CHADL: variants seen among roughly 807,000 people sequenced by gnomAD.
The protein encoded by CHADL is chondroadherin like, also known as chondroadherin-like protein.
In CHADL, 48 loss-of-function variants were observed where a neutral mutation model predicts 52.1. That is an observed-to-expected ratio of 0.92 (90% CI 0.73 to 1.17). The LOEUF (loss-of-function observed/expected upper bound fraction) is 1.17. Ranked by LOEUF, CHADL falls within the 50% of genes most tolerant of loss-of-function variation. The pLI is 0.00. For missense variants in CHADL, 977 were observed against 1,035.1 expected, an observed-to-expected ratio of 0.94 and a Z score of 0.77; for synonymous variants, 498 against 511.2, an observed-to-expected ratio of 0.97 and a Z score of 0.35.
chr22:41,240,892 A>ACTG lies in CHADL; in HGVS notation c.-14_-12dup. 6.5e-7 allele frequency: 1 copy of ACTG among 1,549,736 alleles called. No individual in the cohort carries two copies. Among genetic ancestry groups the ACTG allele is most frequent in the Non-Finnish European group, 8.7e-7 (1 of 1,146,650 alleles). Reference sequence around the variant, plus strand: ...GACTCACCCCTCCATGCCGCCTGGAACTGCTGGTCCAGCCTGGAGGCGCAG... The same window carrying ACTG: ...GACTCACCCCTCCATGCCGCCTGGAACTGCTGCTGGTCCAGCCTGGAGGCGCAG... On this transcript the variant is annotated 5_prime_UTR_variant, in exon 1 of 6. Coordinates refer to ENST00000216241, the MANE Select transcript of CHADL (RefSeq NM_138481.2).
At chr22:41,230,633 CAG>C (rs1333376991) in intron 5 of CHADL, 1 of 227,368 alleles carries the variant, frequency 4.4e-6, no homozygotes, top group African/African-American at 2.3e-5. Context: ...GAATACAAGA[CAG>C]TGAACTCTGT....
intron 5 of CHADL, among the ~76,000 whole-genome samples, chr22:41,231,682 C>T (rs886913829): frequency 6.6e-6 from 1 of 152,230 alleles, no homozygotes; most frequent in Non-Finnish European, 1.5e-5. Flanking sequence ...CCTCAGTTTG[C>T]CCTTGGAGGG....
intron 5 of CHADL, among the ~76,000 whole-genome samples, chr22:41,231,534 T>G (rs1435554103): frequency 6.6e-6 from 1 of 152,274 alleles, no homozygotes; most frequent in Non-Finnish European, 1.5e-5. Context: ...TAGGCTGGCA[T>G]AAAGTTGGCT....
intron 5 of CHADL, among the ~76,000 whole-genome samples, chr22:41,234,294 CT>C (rs1317398292): frequency 1.3e-5 from 2 of 152,160 alleles, no homozygotes; most frequent in African/African-American, 2.4e-5. Flanking sequence ...CAAATGGTCA[CT>C]CCTTGCAAAC....
rs1341003489 is a variant in CHADL at position 41,239,453 on chromosome 22, G to T, written c.176C>A (p.Ala59Asp). 2 of 1,550,692 alleles carry T rather than the reference G, an allele frequency of 1.3e-6. 1 individual carries two copies. Among genetic ancestry groups the T allele is most frequent in the South Asian group, 2.4e-5 (2 of 83,984 alleles). The change falls in exon 2 of 6, where the codon GCC becomes GAC. Residue 59 changes from alanine to aspartate, a missense_variant. Transcript: ENST00000216241. ...TCCTGCCCTGCTGACCTCAGGGATGGCGTCTGGCACCTCAGTGAGGTTCTG... is the reference window on the plus strand; with the variant it reads ...TCCTGCCCTGCTGACCTCAGGGATGTCGTCTGGCACCTCAGTGAGGTTCTG... ...RYQNLTEVPD[A>D]IPELTQRLDL...
At position 41,229,608 on chromosome 22, in the gene CHADL, G is replaced by C; in HGVS notation, c.*96C>G. On this transcript the variant is annotated 3_prime_UTR_variant, in exon 6 of 6. Coordinates refer to ENST00000216241, the MANE Select transcript of CHADL (RefSeq NM_138481.2). ...GTCCAAGAAGCCCCTGCTGGAGGAC[G>C]ACCCTCAGGGTGCCAGGAAGATCTC... 7 of 1,613,802 alleles carry C rather than the reference G, an allele frequency of 4.3e-6. No homozygotes were observed. The highest frequency in any genetic ancestry group is 5.9e-6 in the Non-Finnish European group (7 of 1,179,854).
rs1027694501 is a variant in CHADL at position 41,237,695 on chromosome 22, G to T, written c.1377C>A (p.Cys459Ter). ...CGCCCGCTTCCAGCTCCGCGATGCC[G>T]CAGTGCTGCAGGTGCAGCGACACCA... Reference protein sequence around the residue: ...GHLVSLHLQHCGIAELEAGAL... With the variant: ...GHLVSLHLQH Residue 459 changes from cysteine (C) to a stop codon, truncating the protein, a stop_gained, in exon 3 of 6, where the codon TGC (cysteine) becomes TGA (stop). Coordinates refer to ENST00000216241, the MANE Select transcript of CHADL (RefSeq NM_138481.2). LOFTEE classifies it high-confidence loss of function. 8 of 1,541,764 alleles carry T rather than the reference G, an allele frequency of 5.2e-6. No individual in the cohort carries two copies. Among genetic ancestry groups the T allele is most frequent in the African/African-American group, 2.7e-5 (2 of 72,806 alleles).
chr22:41,236,910 T>C (rs1401750115), intron 3 of CHADL, among the ~76,000 whole-genome samples: 1 of 152,174 alleles, frequency 6.6e-6, no homozygotes, highest in African/African-American at 2.4e-5. Flanking sequence ...TCTCAATATG[T>C]ACAAACAGTA....
chr22:41,235,659 T>C (rs6002291), intron 4 of CHADL, among the ~76,000 whole-genome samples: 5 of 152,118 alleles, frequency 3.3e-5, no homozygotes, highest in Non-Finnish European at 5.9e-5. Context: ...ATAATAGTAA[T>C]AATAAACAGT....
intron 5 of CHADL, chr22:41,231,050 T>C (rs960570110): frequency 6.6e-6 from 1 of 152,220 alleles, no homozygotes; most frequent in African/African-American, 2.4e-5. Flanking sequence ...TCCTTTGTAG[T>C]TAAAGGGTCC....
chr22:41,235,881 T>A (rs1184161889), intron 4 of CHADL, among the ~76,000 whole-genome samples: 1 of 151,244 alleles, frequency 6.6e-6, no homozygotes, highest in Non-Finnish European at 1.5e-5. Context: ...TGACTTTTTA[T>A]TTTTTTTTGA....
Position 41,238,895 on chromosome 22 carries a change from G to C in CHADL, c.187-10C>G. The C allele has an allele frequency of 6.6e-7, 1 of 1,523,416 alleles. No homozygotes were observed. The highest frequency in any genetic ancestry group is 8.9e-7 in the Non-Finnish European group (1 of 1,128,620). 94.4% of individuals were successfully genotyped at this position (1,523,416 alleles called of 1,614,324 possible). A position where few individuals can be genotyped will look rare whatever the true frequency, so the allele number is the denominator to read the frequency against. ...CCAGCCGCTGGGTCAGCTGGGGACA[G>C]CGAGGAGAAAGTGGGGCTGAGCCAG... is the stretch of plus-strand genomic sequence containing the variant. On this transcript the variant is annotated splice_polypyrimidine_tract_variant and intron_variant, in intron 2 of 5. Coordinates refer to ENST00000216241, the MANE Select transcript of CHADL (RefSeq NM_138481.2). The surrounding 1 kb of genome is among the most constrained non-coding windows in gnomAD (Gnocchi z 4.9).
intron 5 of CHADL, 128 bp downstream of exon 5, chr22:41,235,017 C>G: frequency 1.0e-6 from 1 of 962,668 alleles, no homozygotes; most frequent in Non-Finnish European, 1.6e-6. Flanking sequence ...ACTGACGCAA[C>G]TGGGTCATTG....
chr22:41,236,732 C>T (rs1055595688), intron 3 of CHADL, 82 bp from the exon 4 acceptor site: 1 of 1,353,230 alleles, frequency 7.4e-7, no homozygotes, highest in Admixed American at 2.5e-5. Flanking sequence ...CCCATCTTCC[C>T]TCAGCAGAAG....
intron 5 of CHADL, among the ~76,000 whole-genome samples, chr22:41,232,071 GC>G (rs2032609745): frequency 6.6e-6 from 1 of 151,928 alleles, no homozygotes; most frequent in Admixed American, 6.6e-5. Flanking sequence ...GGTGGCTCAC[GC>G]CTGTAATCCC....
chr22:41,237,971 C>A lies in CHADL; in HGVS notation c.1101G>T (p.Glu367Asp). Reference protein sequence around the residue: ...CPGDAAQEEEELEERAVAGPR... With the variant: ...CPGDAAQEEEDLEERAVAGPR... Reference sequence around the variant, plus strand: ...GCCCGGCCACAGCCCGCTCTTCCAGCTCTTCCTCTTCCTGCGCCGCGTCCC... The same window carrying A: ...GCCCGGCCACAGCCCGCTCTTCCAGATCTTCCTCTTCCTGCGCCGCGTCCC... The change falls in exon 3 of 6, where the codon GAG becomes GAT. Residue 367 changes from glutamate (E) to aspartate (D), a missense_variant. Coordinates refer to ENST00000216241, the MANE Select transcript of CHADL (RefSeq NM_138481.2). The A allele has an allele frequency of 7.9e-7, 1 of 1,260,534 alleles. No individual in the cohort carries two copies. The highest frequency in any genetic ancestry group is 9.9e-7 in the Non-Finnish European group (1 of 1,008,074). The allele number at this position is 1,260,534 out of a possible 1,614,324, so 78.1% of individuals were successfully genotyped here. A position where few individuals can be genotyped will look rare whatever the true frequency, so the allele number is the denominator to read the frequency against.
Position 41,229,597 on chromosome 22 carries a change from T to C in CHADL, c.*107A>G, listed in dbSNP as rs753546507. On this transcript the variant is annotated 3_prime_UTR_variant, in exon 6 of 6. Transcript: ENST00000216241. ...CTCAGACAGGGGTCCAAGAAGCCCC[T>C]GCTGGAGGACGACCCTCAGGGTGCC... 6.2e-6 allele frequency: 10 copies of C among 1,613,618 alleles called. No homozygotes were observed. The African/African-American group carries it at 1.3e-4, about 22-fold the overall frequency.
rs1290004518 is a variant in CHADL at position 41,239,580 on chromosome 22, G to A, written c.49C>T (p.Leu17Phe). Reference protein sequence around the residue: ...STHVPLVLPLLVLLLLAPARQ... With the variant: ...STHVPLVLPLFVLLLLAPARQ... ...GCCGGGGCCAGCAGCAGAAGTACAA[G>A]AAGCGGCAGCACCAAGGGGACATGG... is the stretch of plus-strand genomic sequence containing the variant. Residue 17 changes from leucine to phenylalanine, a missense_variant, in exon 2 of 6, where the codon CTT becomes TTT. Leu to Phe is a conservative substitution (Grantham distance 22). Coordinates refer to ENST00000216241, the MANE Select transcript of CHADL (RefSeq NM_138481.2). 10 of 1,547,464 alleles carry A rather than the reference G, an allele frequency of 6.5e-6. No individual in the cohort carries two copies. The highest frequency in any genetic ancestry group is 8.7e-6 in the Non-Finnish European group (10 of 1,145,304).
At position 41,238,821 on chromosome 22, in the gene CHADL, C is replaced by T. The variant is rs907945907; in HGVS notation, c.251G>A (p.Gly84Asp). 5.7e-5 allele frequency: 88 copies of T among 1,548,728 alleles called. No homozygotes were observed. The highest frequency in any genetic ancestry group is 7.1e-5 in the Non-Finnish European group (81 of 1,146,024). ...GTCCAGGTGTGTGAGGTGAGGCACG[C>T]CCTGGAAGGCGGCTGCGGGGATCAC... Reference protein sequence around the residue: ...LKVIPAAAFQGVPHLTHLDLR... With the variant: ...LKVIPAAAFQDVPHLTHLDLR... The change falls in exon 3 of 6, where the codon GGC becomes GAC. Residue 84 changes from glycine to aspartate, a missense_variant. Coordinates refer to ENST00000216241, the MANE Select transcript of CHADL (RefSeq NM_138481.2). The surrounding 1 kb of genome is among the most constrained non-coding windows in gnomAD (Gnocchi z 4.9).
Sources: gnomAD v4.1 joint callset for allele counts (sites outside exome capture counted in the v4.1 genomes callset) on GRCh38, gnomAD v4.1.1 for gene constraint, Gnocchi (gnomAD v3.1) non-coding constraint, MANE v1.5 for transcripts, NCBI Gene and HGNC (gene_info 2026-07-23, HGNC 2026-07-21) for gene names.